The following SLC26A1 variants were observed in gnomAD, a reference collection of about 807,000 sequenced individuals.
SLC26A1 encodes the protein sulfate anion transporter 1.
A neutral mutation model predicts 14.5 loss-of-function variants in SLC26A1; 18 were observed. That is an observed-to-expected ratio of 1.24 (90% CI 0.86 to 1.84). The LOEUF (loss-of-function observed/expected upper bound fraction) is 1.84. Ranked by LOEUF, SLC26A1 falls within the 40% of genes most tolerant of loss-of-function variation. The pLI is 0.00. For missense variants in SLC26A1, 1,049 were observed against 1,020.0 expected (o/e 1.03, Z -0.39); for synonymous variants, 505 against 492.0 (o/e 1.03, Z -0.35).
In SLC26A1 at chr4:988,913, G is replaced by A; in HGVS notation, c.2026C>T (p.Leu676=). ...GPGDTAEEEQ[L]FLSVHDAVQT... ...ACGGCATCGTGCACACTGAGGAACA[G>A]CTGCTCCTCCTCAGCCGTGTCCCCG... The change falls in exon 3 of 3, where the codon CTG becomes TTG. Residue 676 remains leucine, a synonymous_variant. Transcript: ENST00000398516. The A allele has an allele frequency of 1.9e-6, 3 of 1,605,142 alleles. No individual in the cohort carries two copies. The highest frequency in any genetic ancestry group is 2.5e-6 in the Non-Finnish European group (3 of 1,176,804).
At position 990,189 on chromosome 4, in the gene SLC26A1, C is replaced by T. The variant is rs977691859; in HGVS notation, c.750G>A (p.Leu250=). The change falls in exon 3 of 3, where the codon CTG becomes CTA. Residue 250 remains leucine, a synonymous_variant. Coordinates refer to ENST00000398516, the MANE Select transcript of SLC26A1 (RefSeq NM_022042.4). The part of the protein sequence containing the change: ...QGPGMVVLTW[L]SLLRGAGQAN... The stretch of plus-strand genomic sequence containing the variant: ...CCTGCCCGGCGCCGCGCAGCAGGCT[C>T]AGCCATGTGAGGACCACCATGCCGG... 3.2e-6 allele frequency: 5 copies of T among 1,560,936 alleles called. No homozygotes were observed. The highest frequency in any genetic ancestry group is 1.9e-5 in the Admixed American group (1 of 51,730).
At chr4:979,073 T>C in exon 3 of SLC26A1, 1 of 188,352 alleles carries the variant, frequency 5.3e-6, no homozygotes. Context: ...CTTTTTACAA[T>C]TTTGCAATAT....
chr4:987,030 G>A (rs1335770566), downstream of SLC26A1: 3 of 1,501,116 alleles, frequency 2.0e-6, no homozygotes, highest in East Asian at 2.6e-5. Context: ...CTCCGACCCG[G>A]AGGCGGAACC....
Position 987,733 on chromosome 4 carries a change from G to T in SLC26A1, c.*1100C>A. 6.2e-7 allele frequency: 1 copy of T among 1,600,120 alleles called. No homozygotes were observed. On this transcript the variant is annotated 3_prime_UTR_variant, in exon 3 of 3. Transcript: ENST00000398516. ...TGGATCCTGCGCCCGGGCAGTCCTG[G>T]GCTTGAACGTGTGTGTCAGCCGCGC...
rs1164184714 is a variant in SLC26A1, at chr4:991,085, G to A, written c.576+43C>T. The stretch of plus-strand genomic sequence containing the variant: ...TCGTGGATGGCCAAAACCTAAGGGG[G>A]GGTGCCCTGGGCCCCTCCCTGTGCC... On this transcript the variant is annotated intron_variant, in intron 2 of 2. Transcript: ENST00000398516. 9 of 1,504,026 alleles carry A rather than the reference G, an allele frequency of 6.0e-6. 1 individual carries two copies. In the East Asian group the frequency reaches 2.1e-4, roughly 34 times the overall value. 93.2% of individuals were successfully genotyped at this position (1,504,026 alleles called of 1,614,324 possible). A position where few individuals can be genotyped will look rare whatever the true frequency, so the allele number is the denominator to read the frequency against.
At chr4:980,919 C>G (rs1465865263) in intron 2 of SLC26A1, among the ~76,000 whole-genome samples, 1 of 152,036 alleles carries the variant, frequency 6.6e-6, no homozygotes, top group Non-Finnish European at 1.5e-5. Context: ...CCTGATTTTG[C>G]CTGTTCTTTT....
downstream of SLC26A1, among the ~76,000 whole-genome samples, chr4:986,269 A>T (rs1358023761): frequency 6.6e-6 from 1 of 152,170 alleles, no homozygotes; most frequent in Non-Finnish European, 1.5e-5. Context: ...GGATTCACAC[A>T]TGCATACATG....
Position 987,957 on chromosome 4 carries a change from G to A in SLC26A1, c.*876C>T, listed in dbSNP as rs546988577. On this transcript the variant is annotated 3_prime_UTR_variant, in exon 3 of 3. Coordinates refer to ENST00000398516, the MANE Select transcript of SLC26A1 (RefSeq NM_022042.4). ...GGAGCTTGTCACCACCAGGTGGGCG[G>A]CGGGCAGGGTCTGGGCGTCCCAGAG... 64 of 1,565,374 alleles carry A rather than the reference G, an allele frequency of 4.1e-5. 2 individuals are homozygous for A. The Middle Eastern group carries it at 7.1e-4, about 17-fold the overall frequency.
Position 987,921 on chromosome 4 carries a change from C to T in SLC26A1, c.*912G>A. 13 of 1,597,964 alleles carry T rather than the reference C, an allele frequency of 8.1e-6. No individual in the cohort carries two copies. Among genetic ancestry groups the T allele is most frequent in the East Asian group, 2.3e-5 (1 of 43,966 alleles). On this transcript the variant is annotated 3_prime_UTR_variant, in exon 3 of 3. Transcript: ENST00000398516. ...CCGCGGCATCAAGCAGGTCCGGACC[C>T]ACTGGCTGCTGGAGCTTGTCACCAC...
At chr4:981,150 A>G (rs1013665443) in intron 2 of SLC26A1, among the ~76,000 whole-genome samples, 5 of 152,206 alleles carry the variant, frequency 3.3e-5, no homozygotes, top group African/African-American at 1.2e-4. Flanking sequence ...CTCCAAGGAC[A>G]CAGCCCACCT....
intron 1 of SLC26A1, chr4:992,105 C>T (rs368552547): frequency 5.8e-5 from 29 of 501,020 alleles, no homozygotes; most frequent in Admixed American, 3.4e-4. Flanking sequence ...ACCTCCCCAA[C>T]GGGGCAGGAA....
rs1713906064 is a variant in SLC26A1, at chr4:988,272, G to T, written c.*561C>A. On this transcript the variant is annotated 3_prime_UTR_variant, in exon 3 of 3. Coordinates refer to ENST00000398516, the MANE Select transcript of SLC26A1 (RefSeq NM_022042.4). ...GGTAGGGCCACTGCACCTGAGGGCT[G>T]AGCTGAGGTCTCATCGGTCACAGCA... The T allele has an allele frequency of 8.3e-7, 1 of 1,212,104 alleles. No homozygotes were observed. Among genetic ancestry groups the T allele is most frequent in the Non-Finnish European group, 1.0e-6 (1 of 966,422 alleles). 75.1% of individuals were successfully genotyped at this position (1,212,104 alleles called of 1,614,324 possible).
chr4:980,943 A>G (rs1248598462), intron 2 of SLC26A1, among the ~76,000 whole-genome samples: 1 of 152,178 alleles, frequency 6.6e-6, no homozygotes, highest in African/African-American at 2.4e-5. Flanking sequence ...AGGAAAAAAT[A>G]ACGGGTGCCT....
Position 991,554 on chromosome 4 carries a change from C to T in SLC26A1, c.150G>A (p.Val50=). 3 of 1,604,886 alleles carry T rather than the reference C, an allele frequency of 1.9e-6. No individual in the cohort carries two copies. The highest frequency in any genetic ancestry group is 2.5e-6 in the Non-Finnish European group (3 of 1,177,068). Residue 50 remains valine (V), a synonymous_variant, in exon 2 of 3, where the codon GTG becomes GTA. Coordinates refer to ENST00000398516, the MANE Select transcript of SLC26A1 (RefSeq NM_022042.4). ...SCSVLCVRAL[V]QDLLPATRWL... ...AGCGCGTGGCGGGGAGCAGGTCCTG[C>T]ACCAGCGCCCGGACGCACAGCACAC...
intron 2 of SLC26A1, 81 bp downstream of exon 2, chr4:991,047 C>T: frequency 2.9e-6 from 4 of 1,378,784 alleles, no homozygotes; most frequent in Non-Finnish European, 3.9e-6. Context: ...TGTGCTTGCC[C>T]CCAGCCTTGC....
At chr4:983,613 TAA>T (rs1434559564), downstream of SLC26A1, among the ~76,000 whole-genome samples, 2 of 152,192 alleles carry the variant, frequency 1.3e-5, no homozygotes, top group Non-Finnish European at 2.9e-5. Context: ...AACCTGAGTA[TAA>T]AAATGTGGTT....
At chr4:992,208 T>G in intron 1 of SLC26A1, 1 of 458,560 alleles carries the variant, frequency 2.2e-6, no homozygotes. Context: ...AGCTGCTCCG[T>G]GTCCACCTCC....
At chr4:990,731 A>G in intron 2 of SLC26A1, 1 of 397,076 alleles carries the variant, frequency 2.5e-6, no homozygotes, top group Non-Finnish European at 4.6e-6. Flanking sequence ...GCAGATGTGG[A>G]GCCAACGGGG....
chr4:989,488 A>G lies in SLC26A1; in HGVS notation c.1451T>C (p.Val484Ala). Residue 484 changes from valine (V) to alanine (A), a missense_variant, in exon 3 of 3, where the codon GTC (valine) becomes GCC (alanine). By Grantham distance (64) the Val-to-Ala change is moderately conservative (BLOSUM62 0). Coordinates refer to ENST00000398516, the MANE Select transcript of SLC26A1 (RefSeq NM_022042.4). ...WAGTAATCML[V>A]STEAGLLAGV... ...AGCCAGCAGCCCGGCCTCTGTGCTGACCAGCATACAGGTGGCCGCGGTGCC... is the reference window on the plus strand; with the variant it reads ...AGCCAGCAGCCCGGCCTCTGTGCTGGCCAGCATACAGGTGGCCGCGGTGCC... The G allele has an allele frequency of 6.4e-7, 1 of 1,554,888 alleles. No individual in the cohort carries two copies. Among genetic ancestry groups the G allele is most frequent in the Non-Finnish European group, 8.7e-7 (1 of 1,149,798 alleles).
Sources: allele counts gnomAD v4.1 joint callset (sites outside exome capture counted in the v4.1 genomes callset), GRCh38; gene constraint gnomAD v4.1.1; transcripts MANE v1.5; gene names NCBI Gene and HGNC (gene_info 2026-07-23, HGNC 2026-07-21).